The following MRPL42 variants were observed in gnomAD, a reference collection of about 807,000 sequenced individuals.
MRPL42 encodes mitochondrial ribosomal protein L42.
In MRPL42, 17 loss-of-function variants were observed where a neutral mutation model predicts 17.9. The observed-to-expected ratio is 0.95, with a 90% confidence interval of 0.65 to 1.42. The LOEUF (loss-of-function observed/expected upper bound fraction) is 1.42. Ranked by LOEUF, MRPL42 falls within the 40% of genes most tolerant of loss-of-function variation. The pLI is 0.00. For synonymous variants in MRPL42, 59 were observed against 54.4 expected (o/e 1.08, Z -0.37); for missense variants, 177 against 175.2 (o/e 1.01, Z -0.06).
chr12:93,475,742 T>G (rs963606561), intron 2 of MRPL42, among the ~76,000 whole-genome samples: 1 of 152,050 alleles, frequency 6.6e-6, no homozygotes, highest in Non-Finnish European at 1.5e-5. Context: ...CCCAGCACTT[T>G]GGGAGGCCGA....
rs1565813832 is a variant in MRPL42, at chr12:93,484,999, T to TACACACAC, written c.220-2497_220-2496insCACACACA. Among the ~76,000 whole-genome samples the TACACACAC allele has an allele frequency of 5.6e-4, 39 of 69,402 alleles. 7 individuals carry two copies. Among genetic ancestry groups the TACACACAC allele is most frequent in the South Asian group, 1.1e-3 (2 of 1,766 alleles). 45.5% of individuals were successfully genotyped at this position (69,402 alleles called of 152,430 possible). On this transcript the variant is annotated intron_variant, in intron 4 of 5. Coordinates refer to ENST00000549982, the MANE Select transcript of MRPL42 (RefSeq NM_014050.4). ...ACACACATATATATATATATATATATATATATATATATATATATATATATA... is the reference window on the plus strand; with the variant it reads ...ACACACATATATATATATATATATATACACACACATATATATATATATATATATATATA...
At chr12:93,488,728 G>C (rs1014097477) in intron 5 of MRPL42, among the ~76,000 whole-genome samples, 2 of 152,004 alleles carry the variant, frequency 1.3e-5, no homozygotes, top group South Asian at 2.1e-4. Flanking sequence ...ATTTTCCATC[G>C]ATTCTTACCT....
At chr12:93,470,708 A>G (rs1173703054) in intron 2 of MRPL42, 6 of 353,790 alleles carry the variant, frequency 1.7e-5, no homozygotes, top group Non-Finnish European at 2.6e-5. Context: ...AAGTTAGAAC[A>G]TGTAGTATTT....
chr12:93,492,520 G>A (rs1481371919), intron 5 of MRPL42, among the ~76,000 whole-genome samples: 2 of 152,124 alleles, frequency 1.3e-5, no homozygotes, highest in African/African-American at 4.8e-5. Flanking sequence ...TCTGGTTCTA[G>A]AAGGGGTTTG....
chr12:93,474,138 A>T (rs1880044452), intron 2 of MRPL42, among the ~76,000 whole-genome samples: 2 of 137,132 alleles, frequency 1.5e-5, no homozygotes, highest in African/African-American at 2.8e-5. Context: ...TTTCTTGTTA[A>T]CTAAAATACT....
chr12:93,491,084 T>C (rs959162881), intron 5 of MRPL42, among the ~76,000 whole-genome samples: 2 of 151,742 alleles, frequency 1.3e-5, no homozygotes, highest in Admixed American at 6.6e-5. Flanking sequence ...AGAGACGGGG[T>C]TTCACCATGT....
chr12:93,476,939 T>C lies in MRPL42; in HGVS notation c.71-15T>C. The C allele has an allele frequency of 1.3e-6, 2 of 1,598,574 alleles. No individual in the cohort carries two copies. The highest frequency in any genetic ancestry group is 1.7e-5 in the Admixed American group (1 of 58,418). On this transcript the variant is annotated splice_polypyrimidine_tract_variant and intron_variant, in intron 2 of 5. Coordinates refer to ENST00000549982, the MANE Select transcript of MRPL42 (RefSeq NM_014050.4). Reference sequence around the variant, plus strand: ...AAATTAACCAAATCTGTTTTACTGTTTGGGGTTTTTGCAGATGGAGCTTTA... The same window carrying C: ...AAATTAACCAAATCTGTTTTACTGTCTGGGGTTTTTGCAGATGGAGCTTTA...
rs1953647262 is a variant in MRPL42, at chr12:93,504,633, A to G, written c.*3412A>G. 1.3e-5 allele frequency: 2 copies of G among 152,212 alleles called. No homozygotes were observed. The highest frequency in any genetic ancestry group is 2.9e-5 in the Non-Finnish European group (2 of 68,040). The allele number at this position is 152,212 out of a possible 1,614,324, so 9.4% of individuals were successfully genotyped here. A position where few individuals can be genotyped will look rare whatever the true frequency, so the allele number is the denominator to read the frequency against. ...TTTCAGGTCCTAGCTTAAACCTATAAGAGGCCTTATTATGGGCTTATTTCC... is the reference window on the plus strand; with the variant it reads ...TTTCAGGTCCTAGCTTAAACCTATAGGAGGCCTTATTATGGGCTTATTTCC... On this transcript the variant is annotated 3_prime_UTR_variant, in exon 6 of 6. Coordinates refer to ENST00000549982, the MANE Select transcript of MRPL42 (RefSeq NM_014050.4).
chr12:93,487,468 CATG>C, intron 4 of MRPL42, 26 bp from the exon 5 acceptor site: 3 of 1,581,876 alleles, frequency 1.9e-6, no homozygotes, highest in Non-Finnish European at 2.6e-6. Flanking sequence ...CCCACATCTT[CATG>C]ATGTTTGTTA....
intron 2 of MRPL42, among the ~76,000 whole-genome samples, chr12:93,471,544 G>A (rs1879911258): frequency 6.6e-6 from 1 of 151,800 alleles, no homozygotes; most frequent in African/African-American, 2.4e-5. Context: ...CAAGTGATCT[G>A]CCCACCTCAG....
chr12:93,485,370 A>T (rs12302501), intron 4 of MRPL42, among the ~76,000 whole-genome samples: 2,681 of 150,958 alleles, frequency 0.018, 82 homozygotes, highest in African/African-American at 0.062. Flanking sequence ...CCAACTCCTG[A>T]GCTCAAAGTG....
chr12:93,476,944 G>T lies in MRPL42; in HGVS notation c.71-10G>T. ...AACCAAATCTGTTTTACTGTTTGGG[G>T]TTTTTGCAGATGGAGCTTTATATTG... On this transcript the variant is annotated splice_polypyrimidine_tract_variant and intron_variant, in intron 2 of 5. Coordinates refer to ENST00000549982, the MANE Select transcript of MRPL42 (RefSeq NM_014050.4). 1 of 1,604,000 alleles carries T rather than the reference G, an allele frequency of 6.2e-7. No homozygotes were observed. The highest frequency in any genetic ancestry group is 8.5e-7 in the Non-Finnish European group (1 of 1,173,600).
rs1285929881 is a variant in MRPL42 at position 93,511,917 on chromosome 12, C to T, written c.*10696C>T. The T allele has an allele frequency of 6.6e-6, 1 of 152,128 alleles. No homozygotes were observed. The highest frequency in any genetic ancestry group is 1.5e-5 in the Non-Finnish European group (1 of 68,018). The allele number at this position is 152,128 out of a possible 1,614,324, so 9.4% of individuals were successfully genotyped here. A position where few individuals can be genotyped will look rare whatever the true frequency, so the allele number is the denominator to read the frequency against. On this transcript the variant is annotated 3_prime_UTR_variant, in exon 6 of 6. Coordinates refer to ENST00000549982, the MANE Select transcript of MRPL42 (RefSeq NM_014050.4). ...ACTATATCTTTTTATTTGAAAAAGTCTTGGTAGAAAAAGCATATCAACTGA... is the reference window on the plus strand; with the variant it reads ...ACTATATCTTTTTATTTGAAAAAGTTTTGGTAGAAAAAGCATATCAACTGA...
chr12:93,502,862 T>A lies in MRPL42; in HGVS notation c.*1641T>A, dbSNP rs570757715. On this transcript the variant is annotated 3_prime_UTR_variant, in exon 6 of 6. Coordinates refer to ENST00000549982, the MANE Select transcript of MRPL42 (RefSeq NM_014050.4). ...CAAGATGCCCACATCCACATACTTA[T>A]GTGTCAGTGCTTTGGAGAATTAACT... 3 of 152,364 alleles carry A rather than the reference T, an allele frequency of 2.0e-5. 1 individual carries two copies. The highest frequency in any genetic ancestry group is 7.2e-5 in the African/African-American group (3 of 41,594). The allele number at this position is 152,364 out of a possible 1,614,324, so 9.4% of individuals were successfully genotyped here.
rs1431454473 is a variant in MRPL42 at position 93,509,192 on chromosome 12, A to C, written c.*7971A>C. The C allele has an allele frequency of 6.6e-6, 1 of 151,692 alleles. No individual in the cohort carries two copies. The highest frequency in any genetic ancestry group is 1.9e-4 in the East Asian group (1 of 5,178). 9.4% of individuals were successfully genotyped at this position (151,692 alleles called of 1,614,324 possible). ...GATAAAACGAGATTCCGTCTCAAAA[A>C]AAAAAAAAAAACTGCCAAAACGCTT... is the stretch of plus-strand genomic sequence containing the variant. On this transcript the variant is annotated 3_prime_UTR_variant, in exon 6 of 6. Coordinates refer to ENST00000549982, the MANE Select transcript of MRPL42 (RefSeq NM_014050.4).
At chr12:93,497,756 A>G (rs1953532454) in intron 5 of MRPL42, among the ~76,000 whole-genome samples, 1 of 151,140 alleles carries the variant, frequency 6.6e-6, no homozygotes, top group Admixed American at 6.6e-5. Flanking sequence ...AAAAAAAAAA[A>G]GGCGTCCACT....
Position 93,470,479 on chromosome 12 carries a change from A to G in MRPL42, c.70+1124A>G, listed in dbSNP as rs372945460. 5 of 1,279,830 alleles carry G rather than the reference A, an allele frequency of 3.9e-6. No individual in the cohort carries two copies. The African/African-American group carries it at 7.7e-5, about 20-fold the overall frequency. 79.3% of individuals were successfully genotyped at this position (1,279,830 alleles called of 1,614,324 possible). ...AGCCAACTTTTTATTTTTATTTTTT[A>G]TTTTAGATTCGGGCGTACATGTGCA... On this transcript the variant is annotated intron_variant, in intron 2 of 5. Transcript: ENST00000549982.
chr12:93,488,578 GTCTTCAGCCCTTTATCAATT>G, intron 5 of MRPL42: 1 of 304,816 alleles, frequency 3.3e-6, no homozygotes, highest in South Asian at 1.6e-4. Flanking sequence ...AATTGATTGT[GTCTTCAGCCCTTTATCAATT>G]TCTTTATCAT....
intron 5 of MRPL42, among the ~76,000 whole-genome samples, chr12:93,499,929 A>G (rs1311418294): frequency 1.3e-5 from 2 of 152,204 alleles, no homozygotes; most frequent in Non-Finnish European, 2.9e-5. Flanking sequence ...ATTGAAAACA[A>G]AAATTAACTT....
Sources: gnomAD v4.1 joint callset for allele counts (sites outside exome capture counted in the v4.1 genomes callset) on GRCh38, gnomAD v4.1.1 for gene constraint, MANE v1.5 for transcripts, NCBI Gene and HGNC (gene_info 2026-07-23, HGNC 2026-07-21) for gene names.